RORA: variants seen among roughly 807,000 people sequenced by gnomAD.
The protein encoded by RORA is nuclear receptor ROR-alpha.
Under a neutral mutation model 69.5 loss-of-function variants are expected in RORA, and 7 were observed. The observed-to-expected ratio is 0.10, with a 90% CI of 0.06 to 0.19. RORA has a LOEUF of 0.19. Ranked by LOEUF, RORA falls within the 10% of genes least tolerant of loss-of-function variation. The pLI, the probability that RORA is intolerant of heterozygous loss-of-function variation, is 1.00. For missense variants in RORA, 457 were observed against 663.0 expected, an observed-to-expected ratio of 0.69 and a Z score of 3.41; for synonymous variants, 261 against 240.8, an observed-to-expected ratio of 1.08 and a Z score of -0.78.
chr15:60,755,100 C>A (rs1057106179), intron 1 of RORA, among the ~76,000 whole-genome samples: 5 of 150,416 alleles, frequency 3.3e-5, no homozygotes, highest in African/African-American at 1.2e-4. Flanking sequence ...CGTCATTTAG[C>A]ATTAGGTATA....
intron 2 of RORA, among the ~76,000 whole-genome samples, chr15:60,674,918 G>A (rs2070530836): frequency 1.3e-5 from 2 of 152,122 alleles, no homozygotes; most frequent in Admixed American, 1.3e-4. Flanking sequence ...TGTAAACAAG[G>A]ATGAGAACAG....
At chr15:61,043,373 C>G (rs1896875798) in intron 1 of RORA, among the ~76,000 whole-genome samples, 1 of 152,154 alleles carries the variant, frequency 6.6e-6, no homozygotes, top group African/African-American at 2.4e-5. Context: ...CAGTTCAGTC[C>G]TTTTGCCTCC....
At position 60,854,534 on chromosome 15, in the gene RORA, A is replaced by C. The variant is rs199775606; in HGVS notation, c.167-175848T>G. On this transcript the variant is annotated intron_variant, in intron 1 of 10. Coordinates refer to ENST00000335670, the MANE Select transcript of RORA (RefSeq NM_134261.3). ...ATTTCGTTGGGTTGATATATAAAACACTAAAGGAAATAAACCAAGGCACAC... is the reference window on the plus strand; with the variant it reads ...ATTTCGTTGGGTTGATATATAAAACCCTAAAGGAAATAAACCAAGGCACAC... Among the ~76,000 whole-genome samples the C allele has an allele frequency of 3.9e-5, 6 of 152,332 alleles. No homozygotes were observed. In the East Asian group the frequency reaches 1.2e-3, roughly 29 times the overall value.
At chr15:60,950,867 T>A (rs1159479523) in intron 1 of RORA, among the ~76,000 whole-genome samples, 2,403 of 137,920 alleles carry the variant, frequency 0.017, 68 homozygotes, top group African/African-American at 0.062. Flanking sequence ...ACTGTCAACA[T>A]TAGACAGATC....
chr15:61,224,928 G>A (rs568189539), intron 1 of RORA, among the ~76,000 whole-genome samples: 28 of 152,130 alleles, frequency 1.8e-4, no homozygotes, highest in Non-Finnish European at 3.7e-4. Context: ...AGTTTCAGAC[G>A]TAGAGGCATT....
At chr15:60,575,258 T>C (rs2067992453) in intron 2 of RORA, among the ~76,000 whole-genome samples, 1 of 152,226 alleles carries the variant, frequency 6.6e-6, no homozygotes, top group South Asian at 2.1e-4. Flanking sequence ...TTCCTTCCCA[T>C]TTGACTAGCA....
At position 61,131,036 on chromosome 15, in the gene RORA, C is replaced by T. The variant is rs1042036571; in HGVS notation, c.166+98017G>A. On this transcript the variant is annotated intron_variant, in intron 1 of 10. Transcript: ENST00000335670. This position sits in a 1 kb window ranked among gnomAD's most constrained non-coding sequence, Gnocchi z 4.2. ...TATGCATATAAATAACTTCAGTACA[C>T]GTGTACAGTTCAGACGATGCACCTA... 2.6e-5 allele frequency among the ~76,000 whole-genome samples: 4 copies of T among 152,156 alleles called. No individual in the cohort carries two copies. The highest frequency in any genetic ancestry group is 6.5e-5 in the Admixed American group (1 of 15,274).
At chr15:60,506,310 TAA>T (rs982081587) in intron 5 of RORA, among the ~76,000 whole-genome samples, 5 of 152,146 alleles carry the variant, frequency 3.3e-5, no homozygotes, top group Non-Finnish European at 5.9e-5. Context: ...CCATGAGAAT[TAA>T]AAGAGTTGAG....
chr15:60,645,352 A>G (rs753997600), intron 2 of RORA, among the ~76,000 whole-genome samples: 1 of 151,118 alleles, frequency 6.6e-6, no homozygotes. Flanking sequence ...CAAAATGGCT[A>G]TGATGAAAAA....
intron 1 of RORA, among the ~76,000 whole-genome samples, chr15:60,799,125 TC>T (rs1189459542): frequency 6.6e-6 from 1 of 152,104 alleles, no homozygotes; most frequent in Non-Finnish European, 1.5e-5. Flanking sequence ...CTCGTGCTGG[TC>T]TCTGGAACTA....
intron 1 of RORA, among the ~76,000 whole-genome samples, chr15:60,934,470 G>A (rs78000712): frequency 5.7e-4 from 13 of 22,792 alleles, no homozygotes; most frequent in Non-Finnish European, 2.8e-4. Flanking sequence ...CCAAGAGTTT[G>A]TTGTTGTTGT....
intron 1 of RORA, among the ~76,000 whole-genome samples, chr15:60,731,481 GA>G (rs965027076): frequency 1.3e-5 from 2 of 152,148 alleles, no homozygotes; most frequent in African/African-American, 2.4e-5. Flanking sequence ...ACTGAAGGAA[GA>G]AAACAGAAAA....
intron 1 of RORA, among the ~76,000 whole-genome samples, chr15:60,908,652 G>T (rs1292433718): frequency 1.3e-5 from 2 of 151,980 alleles, no homozygotes; most frequent in African/African-American, 4.8e-5. Flanking sequence ...ATAATACTTG[G>T]AATTCAATAT....
chr15:60,804,615 C>A (rs1393575161), intron 1 of RORA, among the ~76,000 whole-genome samples: 1 of 152,128 alleles, frequency 6.6e-6, no homozygotes, highest in African/African-American at 2.4e-5. Flanking sequence ...ATTGCTTAAG[C>A]TCCATTGGTA....
chr15:60,685,330 C>T (rs368138673), intron 1 of RORA, among the ~76,000 whole-genome samples: 2 of 152,316 alleles, frequency 1.3e-5, no homozygotes, highest in South Asian at 2.1e-4. Flanking sequence ...CATTGTGAGG[C>T]GCTAGCAGTT....
chr15:61,087,938 C>T (rs2078649117), intron 1 of RORA, among the ~76,000 whole-genome samples: 1 of 152,228 alleles, frequency 6.6e-6, no homozygotes, highest in Non-Finnish European at 1.5e-5. Flanking sequence ...GTTAGCAAGT[C>T]ATTTCTCGAT....
At chr15:60,517,164 T>C (rs2141366057) in intron 3 of RORA, among the ~76,000 whole-genome samples, 1 of 151,272 alleles carries the variant, frequency 6.6e-6, no homozygotes, top group East Asian at 1.9e-4. Context: ...GGTGGGCAGC[T>C]TGAGAAGAAG....
At chr15:61,025,347 G>A (rs1042175139) in intron 1 of RORA, among the ~76,000 whole-genome samples, 2 of 152,156 alleles carry the variant, frequency 1.3e-5, no homozygotes, top group South Asian at 2.1e-4. Context: ...CCAGACAGCC[G>A]CTCATTCCCT....
intron 1 of RORA, among the ~76,000 whole-genome samples, chr15:60,785,127 T>A (rs965874252): frequency 6.6e-6 from 1 of 152,208 alleles, no homozygotes; most frequent in African/African-American, 2.4e-5. Context: ...CTGTACCCAC[T>A]TGTACATTCA....
Sources: gnomAD v4.1 joint callset for allele counts (sites outside exome capture counted in the v4.1 genomes callset) on GRCh38, gnomAD v4.1.1 for gene constraint, Gnocchi (gnomAD v3.1) non-coding constraint, MANE v1.5 for transcripts, NCBI Gene and HGNC (gene_info 2026-07-23, HGNC 2026-07-21) for gene names.